The following GRK1 variants were observed in gnomAD, a reference collection of about 807,000 sequenced individuals.
GRK1 encodes rhodopsin kinase GRK1.
In GRK1, 28 loss-of-function variants were observed where a neutral mutation model predicts 41.7. The ratio of observed to expected loss-of-function variants is 0.67; its 90% confidence interval spans 0.50 to 0.92. The LOEUF (loss-of-function observed/expected upper bound fraction) is 0.92. Among genes scored for constraint, GRK1 ranks in the 40% least tolerant of loss-of-function variants. The probability of loss-of-function intolerance (pLI) is 0.00; values close to 1 mark genes in which losing one functional copy is unlikely to be tolerated. For synonymous variants in GRK1, 327 were observed against 286.7 expected, an observed-to-expected ratio of 1.14 and a Z score of -1.42; for missense variants, 703 against 671.2, an observed-to-expected ratio of 1.05 and a Z score of -0.52.
chr13:113,656,722 G>A, the GRK1 span, among the ~76,000 whole-genome samples: 1 of 152,120 alleles, frequency 6.6e-6, no homozygotes, highest in Non-Finnish European at 1.5e-5. Context: ...GTTTTCCTGG[G>A]GCCCTAAGAC....
intron 6 of GRK1, among the ~76,000 whole-genome samples, chr13:113,733,640 TATGTGTGCATAC>T (rs1225648389): frequency 1.2e-4 from 17 of 144,022 alleles, no homozygotes; most frequent in African/African-American, 4.0e-4. Flanking sequence ...TGTGCTCATG[TATGTGTGCATAC>T]GTGTGTGTGC....
upstream of GRK1, among the ~76,000 whole-genome samples, chr13:113,666,512 C>G (rs969130657): frequency 5.3e-5 from 8 of 151,910 alleles, no homozygotes; most frequent in Non-Finnish European, 1.0e-4. Context: ...CAGGTGTACC[C>G]CAGGTGTTTC....
At chr13:113,732,290 TC>T (rs2049942938) in intron 5 of GRK1, among the ~76,000 whole-genome samples, 1 of 152,132 alleles carries the variant, frequency 6.6e-6, no homozygotes, top group African/African-American at 2.4e-5. Context: ...ATGTGACCTG[TC>T]CTGCCAGGAC....
At chr13:113,658,546 G>A in the GRK1 span, among the ~76,000 whole-genome samples, 9 of 152,316 alleles carry the variant, frequency 5.9e-5, no homozygotes, top group South Asian at 2.1e-4. Flanking sequence ...CTGTGTCCAC[G>A]ACCTTGGGCT....
chr13:113,724,665 T>C (rs928393697), intron 4 of GRK1, among the ~76,000 whole-genome samples: 6 of 152,180 alleles, frequency 3.9e-5, no homozygotes, highest in Non-Finnish European at 8.8e-5. Flanking sequence ...AGCCACTGAG[T>C]GCTCAGGGCC....
intron 4 of GRK1, among the ~76,000 whole-genome samples, chr13:113,730,121 C>A (rs1235829080): frequency 8.3e-6 from 1 of 121,042 alleles, no homozygotes; most frequent in South Asian, 3.1e-4. Context: ...CCGACGCAGT[C>A]CCCCAGTCCC....
chr13:113,660,821 A>G, the GRK1 span, among the ~76,000 whole-genome samples: 2 of 152,400 alleles, frequency 1.3e-5, no homozygotes, highest in African/African-American at 4.8e-5. Context: ...AATTACAAAC[A>G]AGCCTGAAAC....
rs2049935403 is a variant in GRK1 at position 113,731,289 on chromosome 13, C to T, written c.1140C>T (p.Val380=). ...CCGTGGACTACTTTGCCCTGGGGGTCACCCTGTATGAGATGATTGCGGCCA... is the reference window on the plus strand; with the variant it reads ...CCGTGGACTACTTTGCCCTGGGGGTTACCCTGTATGAGATGATTGCGGCCA... ...DFSVDYFALG[V]TLYEMIAARG... The change falls in exon 5 of 7, where the codon GTC becomes GTT. Residue 380 remains valine, a synonymous_variant. Transcript: ENST00000335678. This position sits in a 1 kb window ranked among gnomAD's most constrained non-coding sequence, Gnocchi z 5.6. 1.3e-6 allele frequency: 2 copies of T among 1,537,112 alleles called. No homozygotes were observed. Among genetic ancestry groups the T allele is most frequent in the Non-Finnish European group, 1.7e-6 (2 of 1,146,860 alleles).
the GRK1 span, among the ~76,000 whole-genome samples, chr13:113,661,418 C>G: frequency 1.3e-5 from 2 of 151,926 alleles, no homozygotes; most frequent in African/African-American, 4.8e-5. Flanking sequence ...AAACCCTAAG[C>G]TCTCATCTCA....
chr13:113,661,286 C>CAT, the GRK1 span, among the ~76,000 whole-genome samples: 1 of 152,132 alleles, frequency 6.6e-6, no homozygotes, highest in East Asian at 1.9e-4. Flanking sequence ...TTTAAAAATA[C>CAT]ATGGAACTGA....
intron 6 of GRK1, 80 bp from the exon 7 acceptor site, chr13:113,734,988 G>C: frequency 1.5e-6 from 2 of 1,352,972 alleles, no homozygotes; most frequent in Non-Finnish European, 2.0e-6. Flanking sequence ...TGGGAGCCAT[G>C]GGGGAGGGGG....
At chr13:113,648,325 T>C in the GRK1 span, among the ~76,000 whole-genome samples, 1 of 152,274 alleles carries the variant, frequency 6.6e-6, no homozygotes, top group Non-Finnish European at 1.5e-5. Flanking sequence ...TGGACTTTTC[T>C]GTGTGTCTGT....
chr13:113,727,375 C>T (rs2049895870), intron 4 of GRK1, among the ~76,000 whole-genome samples: 1 of 152,108 alleles, frequency 6.6e-6, no homozygotes, highest in Non-Finnish European at 1.5e-5. Context: ...AGGGTGTGGA[C>T]TGTGGGCTTT....
chr13:113,654,197 T>C, the GRK1 span, among the ~76,000 whole-genome samples: 10 of 152,376 alleles, frequency 6.6e-5, no homozygotes, highest in Admixed American at 5.2e-4. Flanking sequence ...TGTTGCTGTT[T>C]AGTGGATTTT....
chr13:113,649,519 G>A, the GRK1 span: 2 of 1,535,876 alleles, frequency 1.3e-6, no homozygotes, highest in Non-Finnish European at 1.8e-6. The surrounding 1 kb of genome is among the most constrained non-coding windows in gnomAD (Gnocchi z 4.7). Flanking sequence ...TGCCACCAGG[G>A]GGTTGCTGTA....
At chr13:113,668,289 C>A (rs2049833825) in intron 1 of GRK1, among the ~76,000 whole-genome samples, 1 of 152,242 alleles carries the variant, frequency 6.6e-6, no homozygotes, top group African/African-American at 2.4e-5. Flanking sequence ...GAAGTCCCTC[C>A]TCGGAGAGTG....
upstream of GRK1, among the ~76,000 whole-genome samples, chr13:113,665,582 TCAGATGTGCCCCAGCTGTCC>T (rs2049812396): frequency 7.9e-6 from 1 of 126,184 alleles, no homozygotes; most frequent in African/African-American, 3.2e-5. Flanking sequence ...CAGGTGTGTC[TCAGATGTGCCCCAGCTGTCC>T]CAGGTGTGCC....
At chr13:113,672,023 G>A (rs1304034133) in intron 3 of GRK1, among the ~76,000 whole-genome samples, 3 of 152,028 alleles carry the variant, frequency 2.0e-5, no homozygotes, top group Admixed American at 6.6e-5. Context: ...GAGAGAGTGC[G>A]TGGGGGGCGG....
intron 6 of GRK1, chr13:113,734,700 T>C (rs978543080): frequency 5.0e-5 from 9 of 180,302 alleles, no homozygotes; most frequent in Non-Finnish European, 1.0e-4. Context: ...GGGGAGGCCC[T>C]GGTGGGGATG....
Sources: allele counts gnomAD v4.1 joint callset (sites outside exome capture counted in the v4.1 genomes callset), GRCh38; gene constraint gnomAD v4.1.1; non-coding constraint Gnocchi (gnomAD v3.1); transcripts MANE v1.5; gene names NCBI Gene and HGNC (gene_info 2026-07-23, HGNC 2026-07-21).